TRAPPC9: variants seen among roughly 807,000 people sequenced by gnomAD.
The protein encoded by TRAPPC9 is IKK2 binding protein.
A neutral mutation model predicts 124.0 loss-of-function variants in TRAPPC9; 83 were observed. That is an observed-to-expected ratio of 0.67 (90% CI 0.56 to 0.80). The LOEUF is 0.80. TRAPPC9 is among the 30% of genes least tolerant of loss of function. TRAPPC9 has a pLI of 0.00. For synonymous variants in TRAPPC9, 638 were observed against 617.5 expected (o/e 1.03, Z -0.49); for missense variants, 1,302 against 1,508.3 (o/e 0.86, Z 2.27).
chr8:139,985,417 C>A (rs1166127048), intron 19 of TRAPPC9, among the ~76,000 whole-genome samples: 1 of 152,170 alleles, frequency 6.6e-6, no homozygotes, highest in Non-Finnish European at 1.5e-5. Context: ...GCACTGGACC[C>A]AGCACTGCCA....
At chr8:140,113,718 G>A (rs540800891) in intron 17 of TRAPPC9, among the ~76,000 whole-genome samples, 1 of 152,256 alleles carries the variant, frequency 6.6e-6, no homozygotes, top group South Asian at 2.1e-4. Context: ...CAAGTTTTGG[G>A]GGATAAGTTC....
At chr8:139,827,694 C>T (rs895616043) in intron 21 of TRAPPC9, among the ~76,000 whole-genome samples, 1 of 152,192 alleles carries the variant, frequency 6.6e-6, no homozygotes, top group Non-Finnish European at 1.5e-5. Flanking sequence ...GCCAGGACAG[C>T]AGCAAGAGGG....
Position 139,729,945 on chromosome 8 carries a change from G to A in TRAPPC9, c.*1116C>T, listed in dbSNP as rs914595878. On this transcript the variant is annotated 3_prime_UTR_variant, in exon 23 of 23. Coordinates refer to ENST00000438773, the MANE Select transcript of TRAPPC9 (RefSeq NM_001160372.4). ...TCCTCCCTGGGACCTGGGGAGCTAA[G>A]GGTCAACACAGCCAGAAGCCTGCCC... Among the ~76,000 whole-genome samples the A allele has an allele frequency of 2.6e-5, 4 of 152,168 alleles. No homozygotes were observed. Among genetic ancestry groups the A allele is most frequent in the Admixed American group, 2.0e-4 (3 of 15,282 alleles).
chr8:139,982,473 T>G (rs1836974521), intron 19 of TRAPPC9, among the ~76,000 whole-genome samples: 1 of 151,794 alleles, frequency 6.6e-6, no homozygotes, highest in African/African-American at 2.4e-5. Flanking sequence ...TGCCCCGGGG[T>G]AGAAATACAA....
chr8:140,302,899 G>T (rs960895099), intron 10 of TRAPPC9: 7 of 152,268 alleles, frequency 4.6e-5, no homozygotes, highest in African/African-American at 7.2e-5. Flanking sequence ...CCTGAATGCT[G>T]CTATACATTT....
chr8:140,150,153 A>G (rs908441944), intron 17 of TRAPPC9, among the ~76,000 whole-genome samples: 2 of 152,142 alleles, frequency 1.3e-5, no homozygotes, highest in African/African-American at 4.8e-5. Context: ...GTTCTCTACT[A>G]TTATCTTATT....
At chr8:139,814,956 C>T (rs904249847) in intron 21 of TRAPPC9, among the ~76,000 whole-genome samples, 134 of 152,300 alleles carry the variant, frequency 8.8e-4, no homozygotes, top group African/African-American at 3.0e-3. Context: ...GCCAGCAGGG[C>T]CATTGATGTC....
chr8:139,789,245 G>C (rs1822486187), intron 21 of TRAPPC9, among the ~76,000 whole-genome samples: 1 of 152,156 alleles, frequency 6.6e-6, no homozygotes, highest in Non-Finnish European at 1.5e-5. Context: ...TAGGGTCCCG[G>C]GCCCGCACCA....
At chr8:139,789,347 T>C (rs1267058876) in intron 21 of TRAPPC9, among the ~76,000 whole-genome samples, 2 of 152,202 alleles carry the variant, frequency 1.3e-5, no homozygotes, top group Admixed American at 1.3e-4. Context: ...TCCTCAGGCC[T>C]GCTGGGAGCC....
chr8:140,074,003 A>G (rs1324312128), intron 17 of TRAPPC9, among the ~76,000 whole-genome samples: 1 of 152,208 alleles, frequency 6.6e-6, no homozygotes, highest in East Asian at 1.9e-4. Context: ...GAAGAAAATG[A>G]GACGTGGAGA....
intron 17 of TRAPPC9, among the ~76,000 whole-genome samples, chr8:140,105,995 C>T (rs992885663): frequency 5.3e-5 from 8 of 149,964 alleles, no homozygotes; most frequent in Non-Finnish European, 1.2e-4. Flanking sequence ...ATCCAAAGAG[C>T]TAAATCACCA....
At chr8:139,844,496 A>G (rs559881725) in intron 21 of TRAPPC9, among the ~76,000 whole-genome samples, 1 of 152,358 alleles carries the variant, frequency 6.6e-6, no homozygotes, top group East Asian at 1.9e-4. Flanking sequence ...TTAATTTTCC[A>G]GAAAGGAGAG....
intron 19 of TRAPPC9, among the ~76,000 whole-genome samples, chr8:139,948,248 AACACACACACACACACACACACAC>A (rs141771160): frequency 2.8e-4 from 41 of 144,726 alleles, no homozygotes; most frequent in East Asian, 1.7e-3. Flanking sequence ...TGGTTCATAA[AACACACACACACACACACACACAC>A]ACACACACAC....
chr8:139,784,885 G>T (rs924813225), intron 21 of TRAPPC9, among the ~76,000 whole-genome samples: 12 of 151,902 alleles, frequency 7.9e-5, no homozygotes, highest in African/African-American at 2.9e-4. Context: ...GTTCTCCCCA[G>T]ATTGATCTAC....
At chr8:139,976,846 T>C (rs1563657296) in intron 19 of TRAPPC9, among the ~76,000 whole-genome samples, 1 of 152,174 alleles carries the variant, frequency 6.6e-6, no homozygotes, top group Non-Finnish European at 1.5e-5. Context: ...ATGCTGCCTG[T>C]TCACCTCTGC....
At chr8:139,813,598 C>T (rs542442164) in intron 21 of TRAPPC9, among the ~76,000 whole-genome samples, 3 of 152,382 alleles carry the variant, frequency 2.0e-5, no homozygotes, top group Admixed American at 2.0e-4. Flanking sequence ...GAGAGGCAAA[C>T]AGCTCACCAT....
chr8:139,954,010 A>AACG (rs1834824503), intron 19 of TRAPPC9, among the ~76,000 whole-genome samples: 1 of 152,206 alleles, frequency 6.6e-6, no homozygotes, highest in Non-Finnish European at 1.5e-5. Context: ...ATCCTGAGTG[A>AACG]AAGAAGCCAG....
intron 15 of TRAPPC9, among the ~76,000 whole-genome samples, chr8:140,254,213 C>T (rs926192583): frequency 2.6e-5 from 4 of 152,254 alleles, no homozygotes; most frequent in African/African-American, 9.6e-5. Context: ...CAGGGTCCCT[C>T]AGCCAGGCAG....
chr8:139,920,340 T>C (rs548308100), intron 19 of TRAPPC9, among the ~76,000 whole-genome samples: 1 of 152,348 alleles, frequency 6.6e-6, no homozygotes, highest in South Asian at 2.1e-4. Context: ...AGTGAAAGTC[T>C]GTCTCAAGCA....
Sources: gnomAD v4.1 joint callset for allele counts (sites outside exome capture counted in the v4.1 genomes callset) on GRCh38, gnomAD v4.1.1 for gene constraint, MANE v1.5 for transcripts, NCBI Gene and HGNC (gene_info 2026-07-23, HGNC 2026-07-21) for gene names.